The following PABPC4L variants were observed in gnomAD, a reference collection of about 807,000 sequenced individuals.
The protein encoded by PABPC4L is poly(A) binding protein cytoplasmic 4 like.
For synonymous variants in PABPC4L, 169 were observed against 164.1 expected (o/e 1.03, Z -0.23); for missense variants, 452 against 451.4 (o/e 1.00, Z -0.01).
At chr4:134,020,229 G>A in the PABPC4L span, among the ~76,000 whole-genome samples, 10 of 152,034 alleles carry the variant, frequency 6.6e-5, no homozygotes, top group Admixed American at 6.6e-4. Flanking sequence ...CTATTCCGTA[G>A]ATAGAGTGGG....
At chr4:133,984,804 A>G in the PABPC4L span, among the ~76,000 whole-genome samples, 2 of 151,878 alleles carry the variant, frequency 1.3e-5, no homozygotes, top group Non-Finnish European at 2.9e-5. Context: ...GCGAGATTAG[A>G]GACACTTGTT....
At chr4:134,118,250 G>A in the PABPC4L span, among the ~76,000 whole-genome samples, 1 of 151,776 alleles carries the variant, frequency 6.6e-6, no homozygotes, top group Non-Finnish European at 1.5e-5. Flanking sequence ...TGTAAAGGAT[G>A]TCTCAACTTT....
the PABPC4L span, among the ~76,000 whole-genome samples, chr4:134,176,040 T>C: frequency 6.6e-6 from 1 of 152,152 alleles, no homozygotes; most frequent in Non-Finnish European, 1.5e-5. Context: ...AAACTATACA[T>C]AATGAATGGT....
chr4:133,983,160 G>T, the PABPC4L span, among the ~76,000 whole-genome samples: 2 of 151,920 alleles, frequency 1.3e-5, no homozygotes, highest in African/African-American at 4.8e-5. Context: ...AAATGAGGAG[G>T]TTTAGTTCTT....
chr4:134,091,175 TGTGTCTTTCAGG>T, the PABPC4L span, among the ~76,000 whole-genome samples: 3 of 152,054 alleles, frequency 2.0e-5, no homozygotes, highest in African/African-American at 7.2e-5. Flanking sequence ...AACTTACTTT[TGTGTCTTTCAGG>T]GTTTTTAAAA....
chr4:134,181,902 C>A, the PABPC4L span, among the ~76,000 whole-genome samples: 3 of 151,488 alleles, frequency 2.0e-5, no homozygotes, highest in Non-Finnish European at 4.4e-5. Context: ...ACATTCCATG[C>A]TCATAGATAG....
chr4:134,056,964 T>C, the PABPC4L span, among the ~76,000 whole-genome samples: 2 of 152,092 alleles, frequency 1.3e-5, no homozygotes, highest in Non-Finnish European at 2.9e-5. Context: ...TTGTTCTCAA[T>C]TGTAGGAGAA....
At chr4:133,974,000 TAATCTAAATCTA>T in the PABPC4L span, among the ~76,000 whole-genome samples, 3 of 152,104 alleles carry the variant, frequency 2.0e-5, no homozygotes, top group African/African-American at 7.2e-5. Context: ...AGGCTTGAGA[TAATCTAAATCTA>T]AATCTAAATC....
chr4:134,200,988 G>A lies in PABPC4L; in HGVS notation c.32C>T (p.Ser11Phe). Residue 11 changes from serine (S) to phenylalanine (F), a missense_variant, in exon 2 of 2, where the codon TCC becomes TTC. Ser to Phe is a radical substitution (Grantham distance 155). Coordinates refer to ENST00000421491, the MANE Select transcript of PABPC4L (RefSeq NM_001114734.2). MNVAAKYRMA[S>F]LYVGDLHADV... ...TGCATGTAAGTCACCCACATACAGG[G>A]AGGCCATGCGGTACTTGGCTGCTAC... 5 of 1,552,446 alleles carry A rather than the reference G, an allele frequency of 3.2e-6. No individual in the cohort carries two copies. The highest frequency in any genetic ancestry group is 2.4e-5 in the South Asian group (2 of 84,082).
At chr4:134,175,344 G>C in the PABPC4L span, among the ~76,000 whole-genome samples, 2 of 151,842 alleles carry the variant, frequency 1.3e-5, no homozygotes, top group African/African-American at 2.4e-5. Flanking sequence ...GATTTAAGCT[G>C]TTATTGTTTT....
At chr4:134,008,753 C>T in the PABPC4L span, among the ~76,000 whole-genome samples, 19 of 151,590 alleles carry the variant, frequency 1.3e-4, no homozygotes, top group East Asian at 3.7e-3. Flanking sequence ...CTTTTTGAAC[C>T]AGTAATTTCA....
the PABPC4L span, among the ~76,000 whole-genome samples, chr4:134,128,784 G>T: frequency 6.6e-6 from 1 of 151,988 alleles, no homozygotes; most frequent in Non-Finnish European, 1.5e-5. Flanking sequence ...AGGTATTCAG[G>T]CAACAAATAA....
At chr4:134,156,387 C>A in the PABPC4L span, among the ~76,000 whole-genome samples, 1 of 151,832 alleles carries the variant, frequency 6.6e-6, no homozygotes, top group Non-Finnish European at 1.5e-5. Flanking sequence ...CCTCTTAAAT[C>A]TACTGTCACT....
chr4:134,124,838 AG>A, the PABPC4L span, among the ~76,000 whole-genome samples: 1 of 152,110 alleles, frequency 6.6e-6, no homozygotes, highest in Non-Finnish European at 1.5e-5. Context: ...GCCATCTCTT[AG>A]CAACACCATG....
chr4:134,025,332 A>G, the PABPC4L span, among the ~76,000 whole-genome samples: 1 of 141,174 alleles, frequency 7.1e-6, no homozygotes, highest in East Asian at 2.1e-4. Context: ...AAAAAAAAAG[A>G]GTGCTGTGCT....
At chr4:134,152,156 C>T in the PABPC4L span, among the ~76,000 whole-genome samples, 2 of 147,968 alleles carry the variant, frequency 1.4e-5, no homozygotes, top group Non-Finnish European at 2.9e-5. Flanking sequence ...GGTTTACACT[C>T]TTTTTTCTTA....
At chr4:134,150,947 G>C in the PABPC4L span, among the ~76,000 whole-genome samples, 1 of 152,266 alleles carries the variant, frequency 6.6e-6, no homozygotes, top group Non-Finnish European at 1.5e-5. Context: ...ACATGATACA[G>C]CCATGAAAAT....
chr4:134,049,254 T>A, the PABPC4L span, among the ~76,000 whole-genome samples: 30 of 152,196 alleles, frequency 2.0e-4, no homozygotes, highest in Middle Eastern at 3.4e-3. Context: ...TGAAAGAGAC[T>A]ATAAAGTATT....
chr4:133,952,688 C>A, the PABPC4L span, among the ~76,000 whole-genome samples: 7 of 152,012 alleles, frequency 4.6e-5, no homozygotes, highest in Admixed American at 4.6e-4. Context: ...CTTCCTTAAC[C>A]CACACGAGGG....
Sources: allele counts gnomAD v4.1 joint callset (sites outside exome capture counted in the v4.1 genomes callset), GRCh38; gene constraint gnomAD v4.1.1; transcripts MANE v1.5; gene names NCBI Gene and HGNC (gene_info 2026-07-23, HGNC 2026-07-21).